Variants in DGLUCY observed in about 807,000 individuals in gnomAD.
DGLUCY encodes D-glutamate cyclase, mitochondrial.
Under a neutral mutation model 58.5 loss-of-function variants are expected in DGLUCY, and 58 were observed. That is an observed-to-expected ratio of 0.99 (90% confidence interval 0.80 to 1.23). The LOEUF (loss-of-function observed/expected upper bound fraction) is 1.23. Among genes scored for constraint, DGLUCY ranks in the 50% most tolerant of loss-of-function variants. DGLUCY has a pLI of 0.00. For synonymous variants in DGLUCY, 325 were observed against 314.1 expected (o/e 1.03, Z -0.37); for missense variants, 779 against 784.7 (o/e 0.99, Z 0.09).
chr14:91,104,143 A>C (rs1465855823), upstream of DGLUCY, among the ~76,000 whole-genome samples: 23 of 140,898 alleles, frequency 1.6e-4, no homozygotes, highest in Non-Finnish European at 3.2e-4. Context: ...GCTCACTGCA[A>C]GCTCCGCCTC....
At chr14:91,130,240 G>A (rs931159959) in intron 1 of DGLUCY, among the ~76,000 whole-genome samples, 1 of 151,482 alleles carries the variant, frequency 6.6e-6, no homozygotes, top group African/African-American at 2.4e-5. Flanking sequence ...AGTGTGGCCT[G>A]TGTCTCATTA....
intron 1 of DGLUCY, among the ~76,000 whole-genome samples, chr14:91,129,773 A>T (rs2045930331): frequency 6.6e-6 from 1 of 151,796 alleles, no homozygotes; most frequent in Non-Finnish European, 1.5e-5. Flanking sequence ...CAGCCTCCCT[A>T]GTAGCTGGGA....
At chr14:91,205,799 G>A (rs761438710) in intron 12 of DGLUCY, among the ~76,000 whole-genome samples, 5 of 49,748 alleles carry the variant, frequency 1.0e-4, no homozygotes, top group Middle Eastern at 0.017. Context: ...CTTCTTCTCC[G>A]TCTCCTTCTC....
At chr14:91,168,191 AG>A (rs890636294) in intron 4 of DGLUCY, among the ~76,000 whole-genome samples, 16 of 152,116 alleles carry the variant, frequency 1.1e-4, no homozygotes, top group African/African-American at 3.6e-4. Context: ...GCTTGAGACC[AG>A]GAGGTTGAGG....
chr14:91,092,737 C>A (rs2140068543), intron 1 of DGLUCY, among the ~76,000 whole-genome samples: 1 of 152,240 alleles, frequency 6.6e-6, no homozygotes, highest in South Asian at 2.1e-4. Flanking sequence ...ATAATCCTTG[C>A]AAGTACCTAA....
chr14:91,170,030 C>G lies in DGLUCY; in HGVS notation c.285C>G (p.Tyr95Ter). ...TGGGCCATCCCCAGTTCTGGAAATA[C>G]GAGTTCGGTGCCTGCACCGGCAGCC... ...TRMGHPQFWKYEFGACTGSLA... is the reference protein window; with the variant it reads ...TRMGHPQFWK Residue 95 changes from tyrosine (Y) to a stop codon, truncating the protein, a stop_gained, in exon 5 of 14, where the codon TAC becomes TAG. Transcript: ENST00000256324. LOFTEE classifies it high-confidence loss of function. The G allele has an allele frequency of 5.6e-6, 9 of 1,612,250 alleles. No homozygotes were observed. The highest frequency in any genetic ancestry group is 7.6e-6 in the Non-Finnish European group (9 of 1,180,020).
chr14:91,219,622 A>G (rs1887127329), intron 13 of DGLUCY, among the ~76,000 whole-genome samples: 1 of 152,212 alleles, frequency 6.6e-6, no homozygotes. Flanking sequence ...AGAAGCAGGC[A>G]CTATGCTGAG....
intron 1 of DGLUCY, among the ~76,000 whole-genome samples, chr14:91,094,050 A>G (rs1464643030): frequency 6.6e-6 from 1 of 152,210 alleles, no homozygotes; most frequent in East Asian, 1.9e-4. Context: ...GCCCAACACT[A>G]TGCAGATACT....
chr14:91,097,825 C>T (rs1262711411), intron 1 of DGLUCY, among the ~76,000 whole-genome samples: 1 of 152,202 alleles, frequency 6.6e-6, no homozygotes, highest in East Asian at 1.9e-4. Flanking sequence ...AGGCGTGTGC[C>T]ACCACGCCCA....
At chr14:91,178,634 T>C (rs1167875218) in intron 7 of DGLUCY, among the ~76,000 whole-genome samples, 2 of 152,196 alleles carry the variant, frequency 1.3e-5, no homozygotes, top group Non-Finnish European at 2.9e-5. Context: ...GATAATTAAA[T>C]TCATCATCAG....
chr14:91,199,828 T>C lies in DGLUCY; in HGVS notation c.1367T>C (p.Met456Thr). Residue 456 changes from methionine to threonine, a missense_variant, in exon 11 of 14, where the codon ATG (methionine) becomes ACG (threonine). Physicochemically the swap from Met to Thr is moderately conservative, Grantham distance 81. Coordinates refer to ENST00000256324, the MANE Select transcript of DGLUCY (RefSeq NM_001102368.3). Reference protein sequence around the residue: ...ADGNYYNARKMNIKHLVDPID... With the variant: ...ADGNYYNARKTNIKHLVDPID... ...GGCAATTACTACAATGCAAGGAAGA[T>C]GAACATCAAGCACTTGGTTGACCCC... is the stretch of plus-strand genomic sequence containing the variant. The C allele has an allele frequency of 1.2e-6, 2 of 1,614,152 alleles. No homozygotes were observed. Among genetic ancestry groups the C allele is most frequent in the South Asian group, 2.2e-5 (2 of 91,076 alleles).
chr14:91,160,949 A>T (rs566563430), intron 3 of DGLUCY, among the ~76,000 whole-genome samples: 1 of 152,350 alleles, frequency 6.6e-6, no homozygotes, highest in South Asian at 2.1e-4. Flanking sequence ...GCCCAAGGAA[A>T]AACCATCAGC....
chr14:91,139,340 T>G (rs1254032208), intron 1 of DGLUCY, among the ~76,000 whole-genome samples: 1 of 152,142 alleles, frequency 6.6e-6, no homozygotes, highest in Non-Finnish European at 1.5e-5. Flanking sequence ...CCTTACTCAG[T>G]CTACTGATTC....
At chr14:91,133,291 G>A (rs575135419) in intron 1 of DGLUCY, among the ~76,000 whole-genome samples, 5 of 152,134 alleles carry the variant, frequency 3.3e-5, no homozygotes, top group South Asian at 2.1e-4. Context: ...GCAAGACTCC[G>A]TCTCAACAAC....
At chr14:91,159,592 T>C (rs1342698767) in intron 2 of DGLUCY, among the ~76,000 whole-genome samples, 1 of 152,202 alleles carries the variant, frequency 6.6e-6, no homozygotes, top group African/African-American at 2.4e-5. Context: ...CATTCTACTT[T>C]TAAAAATCTA....
intron 1 of DGLUCY, among the ~76,000 whole-genome samples, chr14:91,154,804 C>T (rs749230575): frequency 5.2e-4 from 79 of 152,046 alleles, no homozygotes; most frequent in Non-Finnish European, 8.4e-4. Flanking sequence ...AAATCACTCA[C>T]TGCTCAGTAC....
At chr14:91,076,128 G>T (rs2044017326) in intron 1 of DGLUCY, among the ~76,000 whole-genome samples, 1 of 149,614 alleles carries the variant, frequency 6.7e-6, no homozygotes, top group Non-Finnish European at 1.5e-5. Context: ...AAAAAAAAAA[G>T]ATGGAAAACA....
At chr14:91,154,367 A>G (rs562790699) in intron 1 of DGLUCY, among the ~76,000 whole-genome samples, 16 of 152,296 alleles carry the variant, frequency 1.1e-4, no homozygotes, top group African/African-American at 2.9e-4. Flanking sequence ...TACATAAACA[A>G]TAGGGCAGAG....
At chr14:91,111,317 G>A (rs1369104508), upstream of DGLUCY, among the ~76,000 whole-genome samples, 4 of 141,992 alleles carry the variant, frequency 2.8e-5, no homozygotes, top group Middle Eastern at 3.5e-3. Flanking sequence ...AGTCTCACTC[G>A]GTGGCCAGGC....
Sources: gnomAD v4.1 joint callset for allele counts (sites outside exome capture counted in the v4.1 genomes callset) on GRCh38, gnomAD v4.1.1 for gene constraint, MANE v1.5 for transcripts, NCBI Gene and HGNC (gene_info 2026-07-23, HGNC 2026-07-21) for gene names.